The following USP32 variants were observed in gnomAD, a reference collection of about 807,000 sequenced individuals.
USP32 encodes ubiquitin specific peptidase 32.
USP32 carries 59 observed loss-of-function variants against 204.8 expected under a neutral mutation model. The observed-to-expected ratio is 0.29, with a 90% CI of 0.23 to 0.36. The LOEUF (loss-of-function observed/expected upper bound fraction) is 0.36, where lower values mean the gene tolerates loss of function less well. USP32 is among the 10% of genes least tolerant of loss of function. The pLI, the probability that USP32 is intolerant of heterozygous loss-of-function variation, is 1.00. For missense variants in USP32, 1,160 were observed against 1,946.4 expected (o/e 0.60, Z 7.60); for synonymous variants, 517 against 678.4 (o/e 0.76, Z 3.70).
intron 2 of USP32, among the ~76,000 whole-genome samples, chr17:60,342,722 A>AC (rs2088689435): frequency 6.6e-6 from 1 of 152,156 alleles, no homozygotes; most frequent in Admixed American, 6.6e-5. Flanking sequence ...TGGGCATGGG[A>AC]CCCGCTGAGT....
chr17:60,304,838 T>G (rs1284627483), intron 2 of USP32: 1 of 152,242 alleles, frequency 6.6e-6, no homozygotes, highest in Non-Finnish European at 1.5e-5. Context: ...ACTCTTATTT[T>G]TATAATAAAA....
exon 1 of USP32, chr17:60,422,258 G>C (rs2090128702): frequency 2.7e-6 from 1 of 368,250 alleles, no homozygotes; most frequent in Non-Finnish European, 5.0e-6. Context: ...GGTGGTGTCA[G>C]GATCAGCATC....
At chr17:60,214,962 T>G (rs2468997) in intron 16 of USP32, among the ~76,000 whole-genome samples, 188 bp from the exon 17 acceptor site, 32 of 148,982 alleles carry the variant, frequency 2.1e-4, no homozygotes, top group South Asian at 4.3e-4. Context: ...TCTTTTTGTT[T>G]GTTTGTTTGT....
intron 2 of USP32, among the ~76,000 whole-genome samples, chr17:60,321,760 A>G (rs2088117682): frequency 6.6e-6 from 1 of 152,222 alleles, no homozygotes; most frequent in African/African-American, 2.4e-5. Context: ...CCCTAAATCT[A>G]TCAATTGGAA....
intron 12 of USP32, among the ~76,000 whole-genome samples, chr17:60,230,529 T>A (rs2085517876): frequency 6.6e-6 from 1 of 152,252 alleles, no homozygotes; most frequent in African/African-American, 2.4e-5. Context: ...ACCACATGCT[T>A]TTAACATGGT....
chr17:60,328,342 T>A (rs979897479), intron 2 of USP32, among the ~76,000 whole-genome samples: 2 of 151,956 alleles, frequency 1.3e-5, no homozygotes, highest in Non-Finnish European at 2.9e-5. Flanking sequence ...GGAGCTACCC[T>A]CTCTGCTGAG....
At chr17:60,258,581 A>G (rs1411522354) in intron 9 of USP32, among the ~76,000 whole-genome samples, 1 of 152,242 alleles carries the variant, frequency 6.6e-6, no homozygotes, top group African/African-American at 2.4e-5. Context: ...CTTGAATTGT[A>G]GGGTGTTGTA....
At chr17:60,288,331 T>C (rs572787730) in intron 5 of USP32, among the ~76,000 whole-genome samples, 192 bp downstream of exon 5, 1 of 152,076 alleles carries the variant, frequency 6.6e-6, no homozygotes, top group African/African-American at 2.4e-5. Context: ...TCCCAGCTGC[T>C]TGGGAGGATG....
At chr17:60,369,194 C>A (rs1246083057) in intron 1 of USP32, among the ~76,000 whole-genome samples, 1 of 138,324 alleles carries the variant, frequency 7.2e-6, no homozygotes, top group Non-Finnish European at 1.5e-5. Flanking sequence ...CGGGGTTTCA[C>A]CGTTTTAGCT....
chr17:60,310,410 G>GA (rs2087826250), intron 2 of USP32, among the ~76,000 whole-genome samples: 1 of 152,124 alleles, frequency 6.6e-6, no homozygotes, highest in East Asian at 1.9e-4. Context: ...TATTCAGCCA[G>GA]AAAAAAGAGG....
chr17:60,373,935 TAC>T (rs2089492547), intron 1 of USP32, among the ~76,000 whole-genome samples: 1 of 152,072 alleles, frequency 6.6e-6, no homozygotes, highest in Non-Finnish European at 1.5e-5. Context: ...AATGAAGACA[TAC>T]ACTTTGGGAG....
At chr17:60,351,308 A>G (rs2088940981) in intron 1 of USP32, among the ~76,000 whole-genome samples, 1 of 151,852 alleles carries the variant, frequency 6.6e-6, no homozygotes, top group Non-Finnish European at 1.5e-5. Flanking sequence ...TGATCCTCCC[A>G]CCTCAGCTGC....
At chr17:60,320,961 C>T (rs2145939903) in intron 2 of USP32, among the ~76,000 whole-genome samples, 1 of 152,042 alleles carries the variant, frequency 6.6e-6, no homozygotes, top group South Asian at 2.1e-4. Flanking sequence ...GCTTTTTTTC[C>T]CCCATCTCTG....
intron 1 of USP32, among the ~76,000 whole-genome samples, chr17:60,409,280 G>A (rs1299876205): frequency 2.0e-5 from 3 of 152,166 alleles, no homozygotes; most frequent in African/African-American, 4.8e-5. Context: ...CCTAGGAGGC[G>A]GAGGTTGCAG....
At chr17:60,413,073 G>A (rs2090030716) in intron 1 of USP32, among the ~76,000 whole-genome samples, 1 of 152,024 alleles carries the variant, frequency 6.6e-6, no homozygotes, top group African/African-American at 2.4e-5. Context: ...TCCAACCAGG[G>A]GTCTATTAAA....
At chr17:60,413,892 AAAAG>A (rs2090039241) in intron 1 of USP32, among the ~76,000 whole-genome samples, 1 of 149,846 alleles carries the variant, frequency 6.7e-6, no homozygotes, top group Non-Finnish European at 1.5e-5. Context: ...AAAAAAAAAA[AAAAG>A]AATGTTACCT....
chr17:60,283,913 C>CGAGAACAAAA (rs1567826333), intron 5 of USP32, among the ~76,000 whole-genome samples: 2 of 151,834 alleles, frequency 1.3e-5, no homozygotes, highest in Non-Finnish European at 2.9e-5. Context: ...CGAGAACAAA[C>CGAGAACAAAA]TAGAGCGAAG....
At chr17:60,213,759 T>G (rs2145521812) in intron 17 of USP32, 97 bp from the exon 18 acceptor site, 3 of 1,432,030 alleles carry the variant, frequency 2.1e-6, no homozygotes, top group East Asian at 4.7e-5. Flanking sequence ...ACAACTTCTT[T>G]GTAGTTATAT....
At chr17:60,415,428 G>A (rs2090052495) in intron 1 of USP32, among the ~76,000 whole-genome samples, 1 of 152,134 alleles carries the variant, frequency 6.6e-6, no homozygotes, top group Non-Finnish European at 1.5e-5. Context: ...GGCTTCCATG[G>A]GTTAAAGACC....
Sources: gnomAD v4.1 joint callset for allele counts (sites outside exome capture counted in the v4.1 genomes callset) on GRCh38, gnomAD v4.1.1 for gene constraint, MANE v1.5 for transcripts, NCBI Gene and HGNC (gene_info 2026-07-23, HGNC 2026-07-21) for gene names.